The following MAST2 variants were observed in gnomAD, a reference collection of about 807,000 sequenced individuals.
MAST2 encodes the protein microtubule-associated serine/threonine-protein kinase 2.
A neutral mutation model predicts 147.4 loss-of-function variants in MAST2; 70 were observed. The ratio of observed to expected loss-of-function variants is 0.47; its 90% CI spans 0.39 to 0.58. The LOEUF (loss-of-function observed/expected upper bound fraction) is 0.58. Among genes scored for constraint, MAST2 ranks in the 20% least tolerant of loss-of-function variants. The probability of loss-of-function intolerance (pLI) is 0.00; values close to 1 mark genes in which losing one functional copy is unlikely to be tolerated. For missense variants in MAST2, 2,080 were observed against 2,302.3 expected (o/e 0.90, Z 1.98); for synonymous variants, 869 against 896.8 (o/e 0.97, Z 0.55).
Position 45,909,555 on chromosome 1 carries a change from C to G in MAST2, c.500+27160C>G, listed in dbSNP as rs149809223. On this transcript the variant is annotated intron_variant, in intron 4 of 28. Coordinates refer to ENST00000361297, the MANE Select transcript of MAST2 (RefSeq NM_015112.3). The stretch of plus-strand genomic sequence containing the variant: ...TTCTTTTTGGAGACAGAGTCTGGCT[C>G]TGTCGCCAGGCTGGAGTGCAGTGGT... Among the ~76,000 whole-genome samples, 419 of 150,942 alleles carry G rather than the reference C, an allele frequency of 2.8e-3. 2 individuals are homozygous for G. Among genetic ancestry groups the G allele is most frequent in the Non-Finnish European group, 4.7e-3 (322 of 67,836 alleles).
intron 3 of MAST2, among the ~76,000 whole-genome samples, chr1:45,842,135 C>T (rs1645296816): frequency 6.6e-6 from 1 of 152,028 alleles, no homozygotes; most frequent in South Asian, 2.1e-4. Flanking sequence ...AGTGATCCAC[C>T]CGCTTTGGCC....
At chr1:45,892,575 G>C (rs1489047290) in intron 4 of MAST2, among the ~76,000 whole-genome samples, 2 of 152,166 alleles carry the variant, frequency 1.3e-5, no homozygotes, top group Non-Finnish European at 2.9e-5. Flanking sequence ...AAGTTGTCCA[G>C]TTGTCCAAGC....
At chr1:45,879,864 G>A (rs1001285605) in intron 3 of MAST2, among the ~76,000 whole-genome samples, 2 of 152,104 alleles carry the variant, frequency 1.3e-5, no homozygotes, top group African/African-American at 2.4e-5. Context: ...CACCTAAATG[G>A]CTAAAATGTA....
At chr1:45,804,119 G>C (rs941538444) in intron 1 of MAST2, 47 bp downstream of exon 1, 4 of 1,271,560 alleles carry the variant, frequency 3.1e-6, no homozygotes, top group Non-Finnish European at 4.0e-6. Context: ...TGGAAGCCGT[G>C]GGGGAGGGGA....
In MAST2 at chr1:46,006,362, C is replaced by A. The variant is rs1645485297; in HGVS notation, c.869C>A (p.Ser290Tyr). 1.9e-6 allele frequency: 3 copies of A among 1,613,306 alleles called. No homozygotes were observed. In the Admixed American group the frequency reaches 5.0e-5, roughly 27 times the overall value. Residue 290 changes from serine to tyrosine, a missense_variant, in exon 8 of 29, where the codon TCC (serine) becomes TAC (tyrosine). Coordinates refer to ENST00000361297, the MANE Select transcript of MAST2 (RefSeq NM_015112.3). ...GTACCAGATGAGGAAGGACGGCAGTCCCCAGCCATGCGGCCTCGCTCCCGG... is the reference window on the plus strand; with the variant it reads ...GTACCAGATGAGGAAGGACGGCAGTACCCAGCCATGCGGCCTCGCTCCCGG... ...ESVPDEEGRQSPAMRPRSRSL... is the reference protein window; with the variant it reads ...ESVPDEEGRQYPAMRPRSRSL...
At chr1:45,996,153 T>G (rs1645048888) in intron 5 of MAST2, among the ~76,000 whole-genome samples, 1 of 151,876 alleles carries the variant, frequency 6.6e-6, no homozygotes, top group African/African-American at 2.4e-5. Context: ...CTAGCTGTAC[T>G]ATGCGCACCT....
chr1:45,940,593 T>C (rs1570833781), intron 4 of MAST2, among the ~76,000 whole-genome samples: 2 of 151,930 alleles, frequency 1.3e-5, no homozygotes, highest in African/African-American at 2.4e-5. Flanking sequence ...GTCTTCAGTG[T>C]GTCTACAGAG....
At chr1:45,897,175 A>G (rs1234746438) in intron 4 of MAST2, among the ~76,000 whole-genome samples, 2 of 152,146 alleles carry the variant, frequency 1.3e-5, no homozygotes, top group Non-Finnish European at 2.9e-5. Flanking sequence ...GCTGTTCCAG[A>G]TTGCAGGCAG....
At chr1:45,811,851 G>C (rs1644312532) in intron 1 of MAST2, among the ~76,000 whole-genome samples, 1 of 151,720 alleles carries the variant, frequency 6.6e-6, no homozygotes, top group Non-Finnish European at 1.5e-5. Context: ...AGCCAGGATG[G>C]TCTTGATCTC....
chr1:45,921,492 G>A (rs565272870), intron 4 of MAST2, among the ~76,000 whole-genome samples: 1 of 152,306 alleles, frequency 6.6e-6, no homozygotes, highest in East Asian at 1.9e-4. Context: ...GACTGGAGCG[G>A]AATAGTGAAG....
At chr1:45,838,215 C>CT (rs61696475) in intron 3 of MAST2, among the ~76,000 whole-genome samples, 2,091 of 97,884 alleles carry the variant, frequency 0.021, 77 homozygotes, top group Middle Eastern at 0.04. Context: ...TATATATATT[C>CT]TTTTTTTTTT....
chr1:45,884,738 C>T (rs764806049), intron 4 of MAST2, among the ~76,000 whole-genome samples: 9 of 152,144 alleles, frequency 5.9e-5, no homozygotes, highest in African/African-American at 1.4e-4. Flanking sequence ...TTAGAGGAGT[C>T]GAAAAAGTTT....
chr1:45,846,522 T>G lies in MAST2; in HGVS notation c.468+16941T>G, dbSNP rs201993859. Among the ~76,000 whole-genome samples, 6 of 152,218 alleles carry G rather than the reference T, an allele frequency of 3.9e-5. No individual in the cohort carries two copies. The East Asian group carries it at 9.7e-4, about 24-fold the overall frequency. ...AATATAAATGAAAAGCAATCTTCAT[T>G]TTAAAATAAATATCATAGGCCAGGT... On this transcript the variant is annotated intron_variant, in intron 3 of 28. Coordinates refer to ENST00000361297, the MANE Select transcript of MAST2 (RefSeq NM_015112.3).
chr1:45,869,835 G>GT (rs1193243490), intron 3 of MAST2, among the ~76,000 whole-genome samples: 1 of 152,176 alleles, frequency 6.6e-6, no homozygotes, highest in African/African-American at 2.4e-5. Context: ...GTTTCTCAAT[G>GT]TAAAGACCTC....
chr1:46,034,378 TGAAA>T, intron 28 of MAST2, 112 bp downstream of exon 28: 2 of 1,362,090 alleles, frequency 1.5e-6, no homozygotes, highest in Non-Finnish European at 9.9e-7. Flanking sequence ...GCCCACCCCC[TGAAA>T]GATCCTGTAG....
intron 4 of MAST2, among the ~76,000 whole-genome samples, chr1:45,903,338 C>G (rs1489343394): frequency 6.6e-6 from 1 of 151,940 alleles, no homozygotes; most frequent in Non-Finnish European, 1.5e-5. Flanking sequence ...CCATGTTGCC[C>G]AGGCTGGTCT....
intron 3 of MAST2, among the ~76,000 whole-genome samples, chr1:45,848,065 A>G (rs951208058): frequency 4.6e-5 from 7 of 152,210 alleles, no homozygotes; most frequent in African/African-American, 1.4e-4. Flanking sequence ...TTGAGTTGTC[A>G]TTCTTCATTT....
At chr1:45,821,543 CAG>C (rs1238904974) in intron 1 of MAST2, among the ~76,000 whole-genome samples, 5 of 108,208 alleles carry the variant, frequency 4.6e-5, no homozygotes, top group African/African-American at 1.8e-4. Flanking sequence ...TTTTTTGAGA[CAG>C]AGTCTCGTTC....
chr1:45,914,136 A>G (rs1276857169), intron 4 of MAST2, among the ~76,000 whole-genome samples: 1 of 152,224 alleles, frequency 6.6e-6, no homozygotes, highest in African/African-American at 2.4e-5. Context: ...AAAAATGAAG[A>G]CAATTATTTT....
Sources: allele counts gnomAD v4.1 joint callset (sites outside exome capture counted in the v4.1 genomes callset), GRCh38; gene constraint gnomAD v4.1.1; transcripts MANE v1.5; gene names NCBI Gene and HGNC (gene_info 2026-07-23, HGNC 2026-07-21).